ITGA1: variants seen among roughly 807,000 people sequenced by gnomAD.
ITGA1 encodes the protein integrin alpha-1.
In ITGA1, 85 loss-of-function variants were observed where a neutral mutation model predicts 145.9. The observed-to-expected ratio is 0.58, with a 90% confidence interval of 0.49 to 0.70. The LOEUF (loss-of-function observed/expected upper bound fraction) is 0.70, where lower values mean the gene tolerates loss of function less well. ITGA1 is among the 30% of genes least tolerant of loss of function. ITGA1 has a pLI of 0.00. For missense variants in ITGA1, 1,351 were observed against 1,418.7 expected (o/e 0.95, Z 0.77); for synonymous variants, 520 against 495.3 (o/e 1.05, Z -0.66).
Position 52,793,351 on chromosome 5 carries a change from G to C in ITGA1, c.61+4937G>C, listed in dbSNP as rs1323988594. Reference sequence around the variant, plus strand: ...GATTGTCCCTTTATTATATACCTCTGCCTTATTTTATTATACCTCTGCCTG... The same window carrying C: ...GATTGTCCCTTTATTATATACCTCTCCCTTATTTTATTATACCTCTGCCTG... On this transcript the variant is annotated intron_variant, in intron 1 of 28. Coordinates refer to ENST00000282588, the MANE Select transcript of ITGA1 (RefSeq NM_181501.2). Among the ~76,000 whole-genome samples the C allele has an allele frequency of 1.3e-5, 2 of 151,750 alleles. 1 individual carries two copies. The highest frequency in any genetic ancestry group is 4.8e-5 in the African/African-American group (2 of 41,322).
intron 2 of ITGA1, among the ~76,000 whole-genome samples, chr5:52,859,077 G>T (rs1397747022): frequency 6.6e-6 from 1 of 151,882 alleles, no homozygotes; most frequent in Non-Finnish European, 1.5e-5. Flanking sequence ...CTTAGAACAG[G>T]GCCTAGCACA....
chr5:52,818,236 G>GA (rs202016654), intron 1 of ITGA1, among the ~76,000 whole-genome samples: 9 of 150,514 alleles, frequency 6.0e-5, no homozygotes, highest in South Asian at 4.2e-4. Context: ...TTGCTGAGTT[G>GA]AAAAAAAAAT....
intron 3 of ITGA1, among the ~76,000 whole-genome samples, chr5:52,862,655 G>C (rs6896699): frequency 0.28 from 42,405 of 151,998 alleles, 6,215 homozygotes; most frequent in South Asian, 0.4. Flanking sequence ...AATTGTAATA[G>C]ATAAATTTAA....
chr5:52,913,639 T>C (rs1750600825), intron 14 of ITGA1, among the ~76,000 whole-genome samples: 3 of 152,226 alleles, frequency 2.0e-5, no homozygotes, highest in Admixed American at 2.0e-4. Context: ...GTTGGTTAGA[T>C]ATTGAACAAC....
At chr5:52,911,993 T>TGTATCTACTATATATACTATATATA (rs1554046458) in intron 14 of ITGA1, among the ~76,000 whole-genome samples, 9 of 91,102 alleles carry the variant, frequency 9.9e-5, no homozygotes, top group African/African-American at 3.0e-4. Flanking sequence ...ATATGTATAG[T>TGTATCTACTATATATACTATATATA]GTGTATCTAC....
At chr5:52,945,697 G>C (rs994378198) in intron 27 of ITGA1, among the ~76,000 whole-genome samples, 1 of 152,094 alleles carries the variant, frequency 6.6e-6, no homozygotes, top group Non-Finnish European at 1.5e-5. Flanking sequence ...CCCTTCTCAT[G>C]GGAGACTTTA....
chr5:52,869,314 C>T (rs1188319156), intron 6 of ITGA1, among the ~76,000 whole-genome samples: 1 of 152,102 alleles, frequency 6.6e-6, no homozygotes, highest in Non-Finnish European at 1.5e-5. Context: ...GCATGTGCTA[C>T]CATGCCCAAC....
At chr5:52,877,109 A>T (rs932061780) in intron 6 of ITGA1, among the ~76,000 whole-genome samples, 2 of 152,188 alleles carry the variant, frequency 1.3e-5, no homozygotes, top group African/African-American at 2.4e-5. Flanking sequence ...ATCTATTTTT[A>T]AAAAATTAGA....
intron 2 of ITGA1, among the ~76,000 whole-genome samples, chr5:52,861,189 A>G (rs971808379): frequency 6.6e-5 from 10 of 152,164 alleles, no homozygotes; most frequent in African/African-American, 2.4e-4. Context: ...ACACACATAT[A>G]TATGTATATA....
chr5:52,918,292 C>T (rs2111868475), intron 15 of ITGA1, among the ~76,000 whole-genome samples: 1 of 152,248 alleles, frequency 6.6e-6, no homozygotes, highest in African/African-American at 2.4e-5. Context: ...TTTTGCTTTT[C>T]CTTCCTAGAA....
At chr5:52,920,548 TCTTA>T in intron 17 of ITGA1, 80 bp downstream of exon 17, 2 of 1,145,812 alleles carry the variant, frequency 1.7e-6, no homozygotes, top group Non-Finnish European at 2.4e-6. Context: ...TCAATCAAAT[TCTTA>T]CTGTTTTATT....
At chr5:52,911,572 T>C (rs1224250237) in intron 14 of ITGA1, among the ~76,000 whole-genome samples, 13 of 55,276 alleles carry the variant, frequency 2.4e-4, no homozygotes, top group Non-Finnish European at 3.9e-4. Flanking sequence ...CTACTATATA[T>C]ACTATATATA....
intron 14 of ITGA1, among the ~76,000 whole-genome samples, 158 bp from the exon 15 acceptor site, chr5:52,915,306 G>A (rs995732514): frequency 2.0e-5 from 3 of 152,198 alleles, no homozygotes; most frequent in Non-Finnish European, 2.9e-5. Flanking sequence ...GGGAACATCT[G>A]AGTATTTCCT....
At chr5:52,807,095 GT>G (rs1748599823) in intron 1 of ITGA1, among the ~76,000 whole-genome samples, 1 of 131,710 alleles carries the variant, frequency 7.6e-6, no homozygotes, top group South Asian at 2.7e-4. Flanking sequence ...GGAAGTGCCT[GT>G]TTTCTATAAT....
At chr5:52,788,623 CCTTCACCCTAGGAGTAGGAGTG>C (rs1369171696) in intron 1 of ITGA1, among the ~76,000 whole-genome samples, 2 of 152,194 alleles carry the variant, frequency 1.3e-5, no homozygotes, top group Non-Finnish European at 2.9e-5. Flanking sequence ...TCTCCAAAGT[CCTTCACCCTAGGAGTAGGAGTG>C]AGGCAGCACT....
intron 1 of ITGA1, among the ~76,000 whole-genome samples, chr5:52,796,322 C>T (rs1748341067): frequency 6.6e-6 from 1 of 151,700 alleles, no homozygotes; most frequent in Admixed American, 6.6e-5. Context: ...CTTTTTTCCC[C>T]TTCTGGAGAG....
In ITGA1 at chr5:52,898,241, C is replaced by T. The variant is rs1012326663; in HGVS notation, c.1167C>T (p.Asp389=). 9.7e-6 allele frequency: 15 copies of T among 1,552,172 alleles called. No individual in the cohort carries two copies. The highest frequency in any genetic ancestry group is 8.1e-5 in the Admixed American group (4 of 49,420). ...TATCTTATTTATTTGCATGTAAGGACTGGGTCATGCTTGGAGCAGTAGGAG... is the reference window on the plus strand; with the variant it reads ...TATCTTATTTATTTGCATGTAAGGATTGGGTCATGCTTGGAGCAGTAGGAG... ...QTGFSAHYSQ[D]WVMLGAVGAY... The change falls in exon 11 of 29, where the codon GAC becomes GAT. Residue 389 remains aspartate (D), a splice_region_variant and synonymous_variant. Coordinates refer to ENST00000282588, the MANE Select transcript of ITGA1 (RefSeq NM_181501.2).
Position 52,814,729 on chromosome 5 carries a change from T to TA in ITGA1, c.61+26324dup, listed in dbSNP as rs902189363. Among the ~76,000 whole-genome samples the TA allele has an allele frequency of 2.9e-3, 436 of 150,182 alleles. 5 individuals carry two copies. The highest frequency in any genetic ancestry group is 0.01 in the African/African-American group (416 of 40,944). On this transcript the variant is annotated intron_variant, in intron 1 of 28. Coordinates refer to ENST00000282588, the MANE Select transcript of ITGA1 (RefSeq NM_181501.2). ...GTCCTCTGCACCTTCTGAGAGGTAT[T>TA]AAAAAAAAAGGGGGGGAAAGAAAAA... is the stretch of plus-strand genomic sequence containing the variant.
At chr5:52,799,342 C>T (rs942020695) in intron 1 of ITGA1, among the ~76,000 whole-genome samples, 1 of 152,192 alleles carries the variant, frequency 6.6e-6, no homozygotes, top group African/African-American at 2.4e-5. Context: ...CCCATAGCCT[C>T]GGCTTTTAGC....
Sources: gnomAD v4.1 joint callset for allele counts (sites outside exome capture counted in the v4.1 genomes callset) on GRCh38, gnomAD v4.1.1 for gene constraint, MANE v1.5 for transcripts, NCBI Gene and HGNC (gene_info 2026-07-23, HGNC 2026-07-21) for gene names.